The following PBX3 variants were observed in gnomAD, a reference collection of about 807,000 sequenced individuals.
PBX3 encodes PBX homeobox 3.
PBX3 carries 14 observed loss-of-function variants against 48.5 expected under a neutral mutation model. The observed-to-expected ratio is 0.29, with a 90% CI of 0.19 to 0.45. The LOEUF (loss-of-function observed/expected upper bound fraction) is 0.45, where lower values mean the gene tolerates loss of function less well. Among genes scored for constraint, PBX3 ranks in the 20% least tolerant of loss-of-function variants. PBX3 has a pLI of 1.00. For missense variants in PBX3, 386 were observed against 546.7 expected (o/e 0.71, Z 2.93); for synonymous variants, 210 against 200.3 (o/e 1.05, Z -0.41).
At chr9:125,805,483 A>G in intron 2 of PBX3, among the ~76,000 whole-genome samples, 1 of 152,168 alleles carries the variant, frequency 6.6e-6, no homozygotes, top group African/African-American at 2.4e-5. Context: ...GAATGAATGG[A>G]TTTTAGGAGG....
intron 3 of PBX3, among the ~76,000 whole-genome samples, chr9:125,919,922 T>C (rs1479315365): frequency 1.3e-5 from 2 of 152,252 alleles, no homozygotes; most frequent in Admixed American, 6.5e-5. Context: ...GTATTGTCTT[T>C]AAAATCCTGT....
At chr9:125,824,968 C>T (rs896663588) in intron 2 of PBX3, among the ~76,000 whole-genome samples, 2 of 152,102 alleles carry the variant, frequency 1.3e-5, no homozygotes, top group Non-Finnish European at 2.9e-5. Flanking sequence ...GGATCTCTTT[C>T]CATACCACAT....
intron 2 of PBX3, among the ~76,000 whole-genome samples, chr9:125,760,007 G>GC (rs1436559354): frequency 1.3e-5 from 2 of 152,194 alleles, no homozygotes; most frequent in Non-Finnish European, 2.9e-5. Context: ...TTGCCTCAGA[G>GC]CAAGAACTCG....
At chr9:125,877,714 TAC>T (rs1217441821) in intron 2 of PBX3, among the ~76,000 whole-genome samples, 2 of 152,214 alleles carry the variant, frequency 1.3e-5, no homozygotes, top group Non-Finnish European at 2.9e-5. Flanking sequence ...AGTTCCACAT[TAC>T]AGTCCTACTT....
At chr9:125,802,384 T>A (rs897813018) in intron 2 of PBX3, among the ~76,000 whole-genome samples, 3 of 145,532 alleles carry the variant, frequency 2.1e-5, no homozygotes, top group Non-Finnish European at 3.0e-5. Context: ...TTTTTTTTTT[T>A]AAAGACAGGG....
At chr9:125,750,945 G>A (rs901351295) in intron 2 of PBX3, among the ~76,000 whole-genome samples, 2 of 152,088 alleles carry the variant, frequency 1.3e-5, no homozygotes, top group Non-Finnish European at 2.9e-5. Context: ...TCCTCAATTC[G>A]AAATAAAACA....
intron 2 of PBX3, among the ~76,000 whole-genome samples, chr9:125,796,636 C>G (rs1314786118): frequency 6.6e-6 from 1 of 152,100 alleles, no homozygotes; most frequent in Non-Finnish European, 1.5e-5. Flanking sequence ...TGCTATTTCC[C>G]TCTCCTTCTT....
At chr9:125,951,496 C>T (rs1026490985) in intron 5 of PBX3, among the ~76,000 whole-genome samples, 1 of 152,104 alleles carries the variant, frequency 6.6e-6, no homozygotes, top group African/African-American at 2.4e-5. Context: ...GGGTCCTGAC[C>T]TTAGGCACTG....
chr9:125,865,975 C>G (rs371370992), intron 2 of PBX3, among the ~76,000 whole-genome samples: 1 of 150,436 alleles, frequency 6.6e-6, no homozygotes, highest in East Asian at 1.9e-4. Context: ...TTTTTCCCCC[C>G]ACAAAAGAAA....
At chr9:125,773,712 C>T (rs1052818063) in intron 2 of PBX3, among the ~76,000 whole-genome samples, 7 of 152,122 alleles carry the variant, frequency 4.6e-5, no homozygotes, top group Admixed American at 3.3e-4. Flanking sequence ...TAGAGTAGAA[C>T]TGCGGGGTCG....
intron 2 of PBX3, among the ~76,000 whole-genome samples, chr9:125,773,735 G>A (rs1268837098): frequency 1.3e-5 from 2 of 152,062 alleles, no homozygotes; most frequent in African/African-American, 2.4e-5. Context: ...GCATATGTTC[G>A]TTATCAACTT....
chr9:125,957,998 GCTTTAAGAAGCGTAATCAGAACCCATAC>G (rs1247122118), intron 5 of PBX3, among the ~76,000 whole-genome samples: 1 of 152,206 alleles, frequency 6.6e-6, no homozygotes, highest in Non-Finnish European at 1.5e-5. Context: ...AAGAGAACAT[GCTTTAAGAAGCGTAATCAGAACCCATAC>G]CTTTATAGTC....
intron 2 of PBX3, among the ~76,000 whole-genome samples, chr9:125,763,140 A>C (rs1352576760): frequency 6.6e-6 from 1 of 152,212 alleles, no homozygotes; most frequent in Non-Finnish European, 1.5e-5. Flanking sequence ...TTTTATCTTC[A>C]ATTAGCCCAG....
chr9:125,900,288 G>A (rs1168451486), intron 2 of PBX3, among the ~76,000 whole-genome samples: 1 of 138,148 alleles, frequency 7.2e-6, no homozygotes. Context: ...ACCTGGTTTT[G>A]CATTTTTCTG....
intron 2 of PBX3, among the ~76,000 whole-genome samples, chr9:125,754,599 T>C (rs113418066): frequency 0.027 from 3,910 of 145,994 alleles, 65 homozygotes; most frequent in Middle Eastern, 0.055. Context: ...TCAGAACATA[T>C]TAAAAAATAA....
In PBX3 at chr9:125,931,948, A is replaced by G. The variant is rs370120155; in HGVS notation, c.707+2103A>G. ...GATTATTTCCTAAGGATCAATTCTT[A>G]GAAATGGAATTATTAGATCTGAGTT... On this transcript the variant is annotated intron_variant, in intron 4 of 8. Coordinates refer to ENST00000373489, the MANE Select transcript of PBX3 (RefSeq NM_006195.6). Among the ~76,000 whole-genome samples, 56 of 152,364 alleles carry G rather than the reference A, an allele frequency of 3.7e-4. No individual in the cohort carries two copies. The East Asian group carries it at 6.9e-3, about 19-fold the overall frequency.
intron 3 of PBX3, among the ~76,000 whole-genome samples, chr9:125,926,060 A>G (rs908984189): frequency 3.3e-5 from 5 of 152,246 alleles, no homozygotes; most frequent in Non-Finnish European, 5.9e-5. Context: ...TTCTACTTCA[A>G]TTATCTTTGT....
chr9:125,914,265 CA>C (rs1310037057), intron 2 of PBX3, among the ~76,000 whole-genome samples: 1 of 152,114 alleles, frequency 6.6e-6, no homozygotes, highest in Non-Finnish European at 1.5e-5. Context: ...TCTGAATAGA[CA>C]ACAGATAAAA....
intron 3 of PBX3, among the ~76,000 whole-genome samples, chr9:125,923,992 G>A (rs1264951948): frequency 6.6e-6 from 1 of 151,898 alleles, no homozygotes; most frequent in African/African-American, 2.4e-5. Context: ...AACCCCCCTA[G>A]TAGCTGGGAC....
Sources: gnomAD v4.1 joint callset for allele counts (sites outside exome capture counted in the v4.1 genomes callset) on GRCh38, gnomAD v4.1.1 for gene constraint, MANE v1.5 for transcripts, NCBI Gene and HGNC (gene_info 2026-07-23, HGNC 2026-07-21) for gene names.